The following PCDH11X variants were observed in gnomAD, a reference collection of about 807,000 sequenced individuals.
PCDH11X encodes the protein protocadherin 11 X-linked.
PCDH11X carries 18 observed loss-of-function variants against 53.3 expected under a neutral mutation model. That is an observed-to-expected ratio of 0.34 (90% CI 0.23 to 0.50). The LOEUF (loss-of-function observed/expected upper bound fraction) is 0.50. Among genes scored for constraint, PCDH11X ranks in the 20% least tolerant of loss-of-function variants. The probability of loss-of-function intolerance (pLI) is 0.98; values close to 1 mark genes in which losing one functional copy is unlikely to be tolerated. For missense variants in PCDH11X, 570 were observed against 1,032.4 expected, an observed-to-expected ratio of 0.55 and a Z score of 6.14; for synonymous variants, 279 against 393.3, an observed-to-expected ratio of 0.71 and a Z score of 3.44.
intron 9 of PCDH11X, among the ~76,000 whole-genome samples, chrX:92,445,089 G>A (rs2072605661): frequency 9.7e-6 from 1 of 102,762 alleles, no homozygotes; most frequent in Admixed American, 1.1e-4. Flanking sequence ...AGCTGCAGAG[G>A]AGCTCTTTCT....
At chrX:91,963,521 G>A (rs1483528757) in intron 6 of PCDH11X, among the ~76,000 whole-genome samples, 1 of 111,225 alleles carries the variant, frequency 9.0e-6, no homozygotes, top group Non-Finnish European at 1.9e-5. Flanking sequence ...CAGCATTTTG[G>A]TCAAAGCCAT....
chrX:92,240,379 T>G (rs1329031478), intron 7 of PCDH11X, among the ~76,000 whole-genome samples: 1 of 111,831 alleles, frequency 8.9e-6, no homozygotes, highest in Non-Finnish European at 1.9e-5. Context: ...CTCTCTGAGT[T>G]CCTTCTCTTT....
Position 92,584,845 on chromosome X carries a change from G to T in PCDH11X, c.3368-33419G>T, listed in dbSNP as rs772275323. Among the ~76,000 whole-genome samples the T allele has an allele frequency of 1.7e-4, 15 of 88,369 alleles. No individual in the cohort carries two copies. In the Admixed American group the frequency reaches 2.0e-3, roughly 12 times the overall value. The allele number at this position is 88,369 out of a possible 115,157, so 76.7% of individuals were successfully genotyped here. On this transcript the variant is annotated intron_variant, in intron 10 of 10. Coordinates refer to ENST00000682573, the MANE Select transcript of PCDH11X (RefSeq NM_032968.5). ...TTTTGCTCTTGTTGCCCAGGCTGAA[G>T]TGTAATGGCACAATCAGGGCTCACC...
At chrX:92,214,400 G>C (rs1300371904) in intron 7 of PCDH11X, among the ~76,000 whole-genome samples, 1 of 112,064 alleles carries the variant, frequency 8.9e-6, no homozygotes, top group Non-Finnish European at 1.9e-5. Flanking sequence ...TCTCTTTGTA[G>C]TAAGAATGCA....
At chrX:92,516,515 G>A (rs35390389) in intron 10 of PCDH11X, among the ~76,000 whole-genome samples, 4 of 111,837 alleles carry the variant, frequency 3.6e-5, no homozygotes, top group Admixed American at 1.9e-4. Context: ...ACATAGTTTA[G>A]CAACAACAAA....
chrX:92,403,287 C>T (rs1200664274), intron 9 of PCDH11X, among the ~76,000 whole-genome samples: 4 of 90,425 alleles, frequency 4.4e-5, no homozygotes, highest in Non-Finnish European at 8.2e-5. Context: ...TTCTGAGTAT[C>T]TGTTTATACG....
At chrX:92,139,075 T>C (rs2065130780) in intron 6 of PCDH11X, among the ~76,000 whole-genome samples, 2 of 107,207 alleles carry the variant, frequency 1.9e-5, no homozygotes, top group Non-Finnish European at 3.8e-5. Context: ...TGCATTTACA[T>C]ATAGATTATT....
chrX:92,437,439 G>T (rs1437382776), intron 9 of PCDH11X, among the ~76,000 whole-genome samples: 2 of 111,641 alleles, frequency 1.8e-5, no homozygotes, highest in Non-Finnish European at 3.8e-5. Flanking sequence ...TACTGATAAT[G>T]AAGGATAAAT....
At chrX:92,217,265 A>G (rs767637636) in intron 7 of PCDH11X, among the ~76,000 whole-genome samples, 113 of 111,389 alleles carry the variant, frequency 1.0e-3, no homozygotes, top group African/African-American at 3.5e-3. Context: ...GGCAAATTAG[A>G]TAAAGAGTCA....
At chrX:92,496,696 A>G (rs2073865726) in intron 10 of PCDH11X, among the ~76,000 whole-genome samples, 1 of 108,341 alleles carries the variant, frequency 9.2e-6, no homozygotes, top group African/African-American at 3.6e-5. Flanking sequence ...AAGCCCAGAT[A>G]TGTAAACATA....
At chrX:92,048,801 G>C (rs1234478113) in intron 6 of PCDH11X, among the ~76,000 whole-genome samples, 1 of 111,539 alleles carries the variant, frequency 9.0e-6, no homozygotes, top group Non-Finnish European at 1.9e-5. Flanking sequence ...CAGCCCTCAG[G>C]AGGTCCTGAG....
chrX:92,158,306 TTAGA>T (rs1248147502), intron 6 of PCDH11X, among the ~76,000 whole-genome samples: 3 of 111,328 alleles, frequency 2.7e-5, no homozygotes, highest in Admixed American at 9.6e-5. Flanking sequence ...AATGTATTTA[TTAGA>T]TAGAGCCTGG....
At chrX:91,869,572 C>T (rs1939171362) in intron 5 of PCDH11X, among the ~76,000 whole-genome samples, 1 of 110,896 alleles carries the variant, frequency 9.0e-6, no homozygotes, top group South Asian at 3.8e-4. Flanking sequence ...ATGAATGCAG[C>T]TCATCTAACT....
chrX:92,477,695 G>A (rs1235938198), intron 10 of PCDH11X, among the ~76,000 whole-genome samples: 1 of 101,810 alleles, frequency 9.8e-6, no homozygotes, highest in African/African-American at 3.6e-5. Context: ...AGCAGGAAAT[G>A]TGCTGATTGT....
intron 8 of PCDH11X, among the ~76,000 whole-genome samples, chrX:92,360,623 C>T (rs1054081060): frequency 1.8e-5 from 2 of 110,576 alleles, no homozygotes; most frequent in African/African-American, 6.6e-5. Context: ...TGTAAGTTTT[C>T]TAGATATCAT....
intron 10 of PCDH11X, among the ~76,000 whole-genome samples, chrX:92,522,150 ATCTTG>A (rs1405671894): frequency 3.6e-5 from 4 of 112,109 alleles, no homozygotes; most frequent in African/African-American, 1.3e-4. Context: ...CTTTTGGCTT[ATCTTG>A]GCTTTTGACA....
At chrX:92,175,754 A>ATGTGTGTGTG (rs1181578637) in intron 6 of PCDH11X, among the ~76,000 whole-genome samples, 2 of 20,877 alleles carry the variant, frequency 9.6e-5, no homozygotes, top group Admixed American at 2.0e-3. Flanking sequence ...GTGTATACAT[A>ATGTGTGTGTG]TATGTGTGTG....
At chrX:91,854,626 C>G (rs1372639401) in intron 5 of PCDH11X, among the ~76,000 whole-genome samples, 4 of 112,260 alleles carry the variant, frequency 3.6e-5, no homozygotes, top group African/African-American at 1.3e-4. Flanking sequence ...AAACACTGTA[C>G]AAGGATTCCC....
intron 6 of PCDH11X, among the ~76,000 whole-genome samples, chrX:92,017,632 G>A: frequency 9.6e-6 from 1 of 104,000 alleles, no homozygotes; most frequent in Non-Finnish European, 2.0e-5. Flanking sequence ...GGGAGGTTGA[G>A]GTTGCAGTGA....
Sources: gnomAD v4.1 joint callset for allele counts (sites outside exome capture counted in the v4.1 genomes callset) on GRCh38, gnomAD v4.1.1 for gene constraint, MANE v1.5 for transcripts, NCBI Gene and HGNC (gene_info 2026-07-23, HGNC 2026-07-21) for gene names.